Variants in SLC67A1 observed in about 807,000 individuals in gnomAD.
The protein encoded by SLC67A1 is solute carrier family 67 member A1.
the SLC67A1 span, chr11:2,909,751 G>T: frequency 1.4e-6 from 2 of 1,418,516 alleles, no homozygotes; most frequent in African/African-American, 1.5e-5. Flanking sequence ...GGGTCAGGAC[G>T]CCCGCGGCTG....
the SLC67A1 span, chr11:2,908,278 C>T: frequency 1.9e-6 from 3 of 1,613,954 alleles, no homozygotes; most frequent in Non-Finnish European, 2.5e-6. Context: ...CTTCGGCTAC[C>T]TGCAAACCAC....
chr11:2,909,222 C>T, the SLC67A1 span: 2 of 1,537,882 alleles, frequency 1.3e-6, no homozygotes, highest in South Asian at 1.2e-5. Flanking sequence ...GGGGCGCGGG[C>T]GGCGCTCACG....
At chr11:2,923,778 C>A in the SLC67A1 span, among the ~76,000 whole-genome samples, 5 of 152,190 alleles carry the variant, frequency 3.3e-5, no homozygotes, top group African/African-American at 4.8e-5. This position sits in a 1 kb window ranked among gnomAD's most constrained non-coding sequence, Gnocchi z 6.5. Flanking sequence ...CAGGCCCAGG[C>A]CATTGGGCCA....
chr11:2,904,640 G>A, the SLC67A1 span, among the ~76,000 whole-genome samples: 7 of 152,240 alleles, frequency 4.6e-5, no homozygotes, highest in Admixed American at 6.5e-5. Context: ...GAGTAACTCC[G>A]TGCTGAGTGC....
chr11:2,901,861 T>G, the SLC67A1 span, among the ~76,000 whole-genome samples: 68,690 of 152,092 alleles, frequency 0.45, 16,160 homozygotes, highest in African/African-American at 0.52. Context: ...CCCTGACTTC[T>G]TCCCCTAACC....
the SLC67A1 span, among the ~76,000 whole-genome samples, chr11:2,912,279 C>G: frequency 5.9e-5 from 9 of 152,348 alleles, no homozygotes; most frequent in South Asian, 2.1e-4. Flanking sequence ...ACACCTCCCC[C>G]TCGGGGGCTC....
At chr11:2,908,380 C>T in the SLC67A1 span, 7 of 1,390,192 alleles carry the variant, frequency 5.0e-6, no homozygotes, top group Admixed American at 1.3e-4. Flanking sequence ...CCCAGGCCCC[C>T]TCTCAGACGC....
chr11:2,920,296 C>G, the SLC67A1 span: 8 of 152,402 alleles, frequency 5.2e-5, no homozygotes, highest in African/African-American at 1.9e-4. Context: ...GAGGGGCCAC[C>G]CTGGCAGGGT....
chr11:2,903,403 C>G, the SLC67A1 span: 1 of 1,613,120 alleles, frequency 6.2e-7, no homozygotes, highest in Admixed American at 1.7e-5. Flanking sequence ...GATGAGCGCT[C>G]TAGGCCGGTC....
chr11:2,922,104 G>A, the SLC67A1 span: 2 of 1,612,018 alleles, frequency 1.2e-6, no homozygotes, highest in Non-Finnish European at 1.7e-6. Flanking sequence ...GGCTCTAGGT[G>A]ACCCAGGGCC....
the SLC67A1 span, chr11:2,914,657 C>T: frequency 5.1e-6 from 5 of 974,706 alleles, no homozygotes; most frequent in East Asian, 1.1e-4. Context: ...CACCACCGCT[C>T]GAGGGCCTGG....
the SLC67A1 span, among the ~76,000 whole-genome samples, chr11:2,924,237 C>T: frequency 6.6e-6 from 1 of 152,190 alleles, no homozygotes; most frequent in African/African-American, 2.4e-5. This position sits in a 1 kb window ranked among gnomAD's most constrained non-coding sequence, Gnocchi z 8.6. Context: ...CTGCGCAGGT[C>T]GGGGCTGTCT....
the SLC67A1 span, among the ~76,000 whole-genome samples, chr11:2,923,201 G>T: frequency 6.6e-6 from 1 of 152,188 alleles, no homozygotes; most frequent in Admixed American, 6.5e-5. The surrounding 1 kb of genome is among the most constrained non-coding windows in gnomAD (Gnocchi z 6.5). Flanking sequence ...CCTGTGGGCT[G>T]GTTGAGGTCA....
chr11:2,916,489 C>T, the SLC67A1 span: 1 of 689,030 alleles, frequency 1.5e-6, no homozygotes. Flanking sequence ...ACTCTTTAGG[C>T]CACAGACTGT....
the SLC67A1 span, among the ~76,000 whole-genome samples, chr11:2,924,184 C>T: frequency 6.6e-6 from 1 of 152,240 alleles, no homozygotes; most frequent in Non-Finnish European, 1.5e-5. The surrounding 1 kb of genome is among the most constrained non-coding windows in gnomAD (Gnocchi z 8.6). Context: ...GGGTAGCTGG[C>T]CACAGGGGCG....
the SLC67A1 span, chr11:2,903,277 C>A: frequency 1.3e-6 from 2 of 1,577,142 alleles, no homozygotes; most frequent in East Asian, 2.3e-5. Context: ...ATCAACTGGA[C>A]TTTTGCCCCC....
chr11:2,919,097 ACCACACGAGAGGCACTTT>A, the SLC67A1 span: 4 of 584,636 alleles, frequency 6.8e-6, no homozygotes, highest in African/African-American at 3.8e-5. Context: ...GAGCTTAGCA[ACCACACGAGAGGCACTTT>A]CCACACCAGG....
chr11:2,914,809 C>G, the SLC67A1 span: 3 of 985,462 alleles, frequency 3.0e-6, no homozygotes, highest in Non-Finnish European at 2.4e-6. Flanking sequence ...CTGTGACACG[C>G]AGGCCTCTGA....
the SLC67A1 span, among the ~76,000 whole-genome samples, chr11:2,905,836 C>A: frequency 6.6e-6 from 1 of 152,176 alleles, no homozygotes; most frequent in East Asian, 1.9e-4. Context: ...TCCATTGCCA[C>A]CCCCTCAAAA....
Sources: allele counts gnomAD v4.1 joint callset (sites outside exome capture counted in the v4.1 genomes callset), GRCh38; gene constraint gnomAD v4.1.1; non-coding constraint Gnocchi (gnomAD v3.1); transcripts MANE v1.5; gene names NCBI Gene and HGNC (gene_info 2026-07-23, HGNC 2026-07-21).